The following PPFIA1 variants were observed in gnomAD, a reference collection of about 807,000 sequenced individuals.
PPFIA1 encodes the protein PPFI scaffold protein A1, also known as liprin-alpha-1.
A neutral mutation model predicts 149.9 loss-of-function variants in PPFIA1; 25 were observed. That is an observed-to-expected ratio of 0.17 (90% CI 0.12 to 0.23). The LOEUF (loss-of-function observed/expected upper bound fraction) is 0.23, where lower values mean the gene tolerates loss of function less well. Ranked by LOEUF, PPFIA1 falls within the 10% of genes least tolerant of loss-of-function variation. The probability of loss-of-function intolerance (pLI) is 1.00; values close to 1 mark genes in which losing one functional copy is unlikely to be tolerated. For missense variants in PPFIA1, 1,362 were observed against 1,506.5 expected (o/e 0.90, Z 1.59); for synonymous variants, 549 against 552.8 (o/e 0.99, Z 0.10).
chr11:70,288,352 C>A (rs1441415842), intron 2 of PPFIA1, among the ~76,000 whole-genome samples: 1 of 152,054 alleles, frequency 6.6e-6, no homozygotes, highest in Non-Finnish European at 1.5e-5. Context: ...TTACAGGCAT[C>A]AGCCACCGCG....
Position 70,348,321 on chromosome 11 carries a change from G to C in PPFIA1, c.2064G>C (p.Ser688=), listed in dbSNP as rs372477702. The change falls in exon 16 of 28, where the codon TCG becomes TCC. Residue 688 remains serine (S), a synonymous_variant. Coordinates refer to ENST00000253925, the MANE Select transcript of PPFIA1 (RefSeq NM_003626.5). ...MSSIPPYPAS[S]LASSSPPGSG... ...CCATTCCCCCCTACCCTGCTTCCTC[G>C]CTTGCTAGCTCCTCCCCTCCGGGCA... The C allele has an allele frequency of 6.2e-7, 1 of 1,614,098 alleles. No homozygotes were observed. The highest frequency in any genetic ancestry group is 8.5e-7 in the Non-Finnish European group (1 of 1,180,000).
intron 21 of PPFIA1, chr11:70,365,027 C>A (rs1267213240): frequency 1.2e-5 from 2 of 167,090 alleles, no homozygotes; most frequent in Non-Finnish European, 1.3e-5. Flanking sequence ...ATGCTGGGTT[C>A]TTTGTTGTTA....
At chr11:70,330,766 G>C (rs1474344257) in intron 8 of PPFIA1, among the ~76,000 whole-genome samples, 1 of 141,348 alleles carries the variant, frequency 7.1e-6, no homozygotes, top group East Asian at 2.0e-4. Context: ...AGAACAGCCT[G>C]TCTCTACAGA....
intron 2 of PPFIA1, among the ~76,000 whole-genome samples, chr11:70,277,255 A>G (rs2050464541): frequency 6.6e-6 from 1 of 151,398 alleles, no homozygotes; most frequent in African/African-American, 2.4e-5. Context: ...GCCTCAGGTG[A>G]TCCTCCCCCC....
At chr11:70,324,275 A>T in intron 2 of PPFIA1, 127 bp from the exon 3 acceptor site, 3 of 609,502 alleles carry the variant, frequency 4.9e-6, no homozygotes, top group Admixed American at 3.3e-5. Context: ...TCTCTGGAGG[A>T]TCACTGAGAT....
rs746291376 is a variant in PPFIA1 at position 70,326,712 on chromosome 11, C to T, written c.824C>T (p.Ser275Phe). 4 of 1,614,120 alleles carry T rather than the reference C, an allele frequency of 2.5e-6. No individual in the cohort carries two copies. In the Admixed American group the frequency reaches 6.7e-5, roughly 27 times the overall value. Residue 275 changes from serine to phenylalanine, a missense_variant, in exon 7 of 28, where the codon TCC becomes TTC. Around this residue, in one of 7 missense-constraint regions of PPFIA1, gnomAD observed 733 missense variants for 744.1 expected, o/e 0.99. Transcript: ENST00000253925. Reference sequence around the variant, plus strand: ...AGCCAAATGAAAGAACGCCTGGCTTCCCTTTCCAGTCATGTGACAGAACTG... The same window carrying T: ...AGCCAAATGAAAGAACGCCTGGCTTTCCTTTCCAGTCATGTGACAGAACTG... ...EQSQMKERLA[S>F]LSSHVTELEE...
intron 21 of PPFIA1, chr11:70,365,946 TGAG>T (rs1414087438): frequency 4.4e-6 from 2 of 456,550 alleles, no homozygotes; most frequent in Admixed American, 2.4e-5. Flanking sequence ...CCCAGGAAGA[TGAG>T]GAGGGAAGCT....
intron 16 of PPFIA1, among the ~76,000 whole-genome samples, chr11:70,353,966 G>A (rs1021599598): frequency 2.0e-5 from 3 of 152,210 alleles, no homozygotes; most frequent in Non-Finnish European, 4.4e-5. Context: ...GTGTTGTTCA[G>A]ATCTCTGCTG....
intron 2 of PPFIA1, among the ~76,000 whole-genome samples, chr11:70,301,540 A>G (rs2052485999): frequency 6.6e-6 from 1 of 152,196 alleles, no homozygotes; most frequent in African/African-American, 2.4e-5. Context: ...AAAATATATG[A>G]AAGTATTTTG....
chr11:70,358,100 T>C (rs2056443328), intron 19 of PPFIA1: 1 of 152,238 alleles, frequency 6.6e-6, no homozygotes, highest in Non-Finnish European at 1.5e-5. Flanking sequence ...AGTTCTGAAA[T>C]GTACCAGCTC....
rs546761640 is a variant in PPFIA1, at chr11:70,299,737, A to G, written c.265-24665A>G. Among the ~76,000 whole-genome samples, 46 of 151,978 alleles carry G rather than the reference A, an allele frequency of 3.0e-4. No individual in the cohort carries two copies. The South Asian group carries it at 7.1e-3, about 23-fold the overall frequency. On this transcript the variant is annotated intron_variant, in intron 2 of 27. Transcript: ENST00000253925. ...CCCCTCTGCTCCCCTGCTGCCACTC[A>G]GAGGCTCTGTCAGGGGTTTCTTTCC...
intron 2 of PPFIA1, among the ~76,000 whole-genome samples, chr11:70,302,787 T>C (rs2052573888): frequency 6.6e-6 from 1 of 151,578 alleles, no homozygotes; most frequent in Admixed American, 6.6e-5. Flanking sequence ...TTTTTTTTTT[T>C]TTAAAGACAT....
chr11:70,277,611 C>T (rs1465231788), intron 2 of PPFIA1, among the ~76,000 whole-genome samples: 1 of 152,076 alleles, frequency 6.6e-6, no homozygotes, highest in Non-Finnish European at 1.5e-5. Context: ...TTGCCTCAGC[C>T]TTCTGAGTAG....
Position 70,382,168 on chromosome 11 carries a change from G to A in PPFIA1, c.*12+10G>A. 1 of 1,608,250 alleles carries A rather than the reference G, an allele frequency of 6.2e-7. No individual in the cohort carries two copies. The highest frequency in any genetic ancestry group is 8.5e-7 in the Non-Finnish European group (1 of 1,175,714). On this transcript the variant is annotated intron_variant, in intron 27 of 27. Transcript: ENST00000253925. Reference sequence around the variant, plus strand: ...CTAAAGTCTCCTGTTGGTGAGTAGAGAGCACCACAACCCCTAGAGATGGCT... The same window carrying A: ...CTAAAGTCTCCTGTTGGTGAGTAGAAAGCACCACAACCCCTAGAGATGGCT...
At chr11:70,320,258 T>C (rs947197273) in intron 2 of PPFIA1, 5 of 152,090 alleles carry the variant, frequency 3.3e-5, no homozygotes, top group Admixed American at 1.3e-4. Context: ...GCAAGAGAAA[T>C]ACCCTTCAGT....
At chr11:70,293,830 C>T (rs1252989862) in intron 2 of PPFIA1, among the ~76,000 whole-genome samples, 1 of 152,060 alleles carries the variant, frequency 6.6e-6, no homozygotes, top group South Asian at 2.1e-4. Context: ...ACCCTGCCCT[C>T]GAAGGGGTCC....
At chr11:70,326,201 A>G (rs2054274456) in intron 5 of PPFIA1, 61 bp from the exon 6 acceptor site, 2 of 982,562 alleles carry the variant, frequency 2.0e-6, no homozygotes, top group Non-Finnish European at 1.5e-6. Flanking sequence ...GAGTTTTGCT[A>G]TCTTTACTTA....
rs537475848 is a variant in PPFIA1 at position 70,280,504 on chromosome 11, G to A, written c.264+8068G>A. Among the ~76,000 whole-genome samples, 6 of 152,272 alleles carry A rather than the reference G, an allele frequency of 3.9e-5. No homozygotes were observed. The South Asian group carries it at 1.2e-3, about 32-fold the overall frequency. ...GACTCACTTGAACCTGGGAGACGGA[G>A]GTTGCAGTGAGCCAAGATCACGCCA... On this transcript the variant is annotated intron_variant, in intron 2 of 27. Transcript: ENST00000253925.
intron 11 of PPFIA1, among the ~76,000 whole-genome samples, 192 bp from the exon 12 acceptor site, chr11:70,337,173 T>C (rs765976065): frequency 6.6e-6 from 1 of 152,174 alleles, no homozygotes; most frequent in African/African-American, 2.4e-5. Flanking sequence ...GGAGTAGATA[T>C]ATTAGTAAGA....
Sources: allele counts gnomAD v4.1 joint callset (sites outside exome capture counted in the v4.1 genomes callset), GRCh38; gene constraint gnomAD v4.1.1; regional missense constraint gnomAD v4.1.1; transcripts MANE v1.5; gene names NCBI Gene and HGNC (gene_info 2026-07-23, HGNC 2026-07-21).